Variants in COL4A1 observed in about 807,000 individuals in gnomAD.
The protein encoded by COL4A1 is collagen alpha-1(IV) chain.
A neutral mutation model predicts 216.6 loss-of-function variants in COL4A1; 40 were observed. The ratio of observed to expected loss-of-function variants is 0.18; its 90% CI spans 0.14 to 0.24. The LOEUF (loss-of-function observed/expected upper bound fraction) is 0.24. Ranked by LOEUF, COL4A1 falls within the 10% of genes least tolerant of loss-of-function variation. COL4A1 has a pLI of 1.00. For missense variants in COL4A1, 1,628 were observed against 2,196.8 expected, an observed-to-expected ratio of 0.74 and a Z score of 5.18; for synonymous variants, 839 against 810.7, an observed-to-expected ratio of 1.03 and a Z score of -0.59.
At chr13:110,163,877 C>G (rs1224094535) in intron 46 of COL4A1, among the ~76,000 whole-genome samples, 4 of 151,988 alleles carry the variant, frequency 2.6e-5, no homozygotes, top group African/African-American at 9.7e-5. Flanking sequence ...AACTTTCCCT[C>G]TCAGCCATAT....
chr13:110,212,336 C>G (rs1879843694), intron 6 of COL4A1, 81 bp downstream of exon 6: 3 of 1,532,740 alleles, frequency 2.0e-6, no homozygotes, highest in Non-Finnish European at 2.7e-6. Flanking sequence ...ACTCTATTAA[C>G]AGAATCACAC....
At chr13:110,234,169 C>A (rs74126126) in intron 2 of COL4A1, among the ~76,000 whole-genome samples, 2,771 of 152,244 alleles carry the variant, frequency 0.018, 88 homozygotes, top group African/African-American at 0.064. Flanking sequence ...CAGGTCAGGG[C>A]ATAACTTGGT....
chr13:110,224,384 A>G (rs556340624), intron 2 of COL4A1, among the ~76,000 whole-genome samples: 7 of 152,344 alleles, frequency 4.6e-5, no homozygotes, highest in Non-Finnish European at 8.8e-5. Context: ...GTACAGTGGC[A>G]TGATCTTGGC....
chr13:110,221,808 C>T (rs1364028292), intron 2 of COL4A1, among the ~76,000 whole-genome samples: 4 of 152,058 alleles, frequency 2.6e-5, no homozygotes, highest in African/African-American at 4.8e-5. Context: ...AGTCAGTCCC[C>T]CAGAGCAGTC....
Position 110,201,454 on chromosome 13 carries a change from T to G in COL4A1, c.1068A>C (p.Gly356=), listed in dbSNP as rs748060452. Residue 356 remains glycine, a synonymous_variant, in exon 19 of 52, where the codon GGA becomes GGC. Transcript: ENST00000375820. The part of the protein sequence containing the change: ...RGYPGTPGPR[G]EPGPKGFPGL... The stretch of plus-strand genomic sequence containing the variant: ...GAAAGCTACCTTTTGGGCCTGGCTC[T>G]CCTCTTGGCCCCGGAGTTCCAGGGT... The G allele has an allele frequency of 5.0e-6, 8 of 1,613,866 alleles. No homozygotes were observed. The highest frequency in any genetic ancestry group is 1.7e-5 in the Admixed American group (1 of 60,016).
chr13:110,278,835 G>C (rs1482039541), intron 1 of COL4A1, among the ~76,000 whole-genome samples: 1 of 152,198 alleles, frequency 6.6e-6, no homozygotes, highest in Non-Finnish European at 1.5e-5. Flanking sequence ...GGGTGGGATT[G>C]CTGGGTACAT....
At chr13:110,236,545 G>A (rs549212945) in intron 2 of COL4A1, among the ~76,000 whole-genome samples, 5 of 152,204 alleles carry the variant, frequency 3.3e-5, no homozygotes, top group Non-Finnish European at 7.3e-5. Flanking sequence ...CAGATGTGGA[G>A]GAGGCAGAGG....
rs539047181 is a variant in COL4A1, at chr13:110,290,058, C to T, written c.84+16886G>A. Among the ~76,000 whole-genome samples, 10 of 152,338 alleles carry T rather than the reference C, an allele frequency of 6.6e-5. No homozygotes were observed. In the South Asian group the frequency reaches 8.3e-4, roughly 13 times the overall value. ...GGGGGGCACAGCACCCTCGCAGGGG[C>T]GTCACTCCTTCCAAAGGTGACTCGG... On this transcript the variant is annotated intron_variant, in intron 1 of 51. Coordinates refer to ENST00000375820, the MANE Select transcript of COL4A1 (RefSeq NM_001845.6).
intron 49 of COL4A1, 29 bp downstream of exon 49, chr13:110,161,163 G>T (rs1170686532): frequency 1.2e-6 from 2 of 1,609,306 alleles, no homozygotes; most frequent in Non-Finnish European, 8.5e-7. Context: ...CTTCAATTTT[G>T]CATTTGTTCC....
intron 1 of COL4A1, among the ~76,000 whole-genome samples, chr13:110,303,410 A>G (rs1884570441): frequency 6.6e-6 from 1 of 151,748 alleles, no homozygotes; most frequent in Non-Finnish European, 1.5e-5. Flanking sequence ...AATTCTTTCC[A>G]CCCCTCTGAG....
intron 24 of COL4A1, chr13:110,190,756 A>T (rs953704030): frequency 2.0e-5 from 3 of 152,234 alleles, no homozygotes; most frequent in Non-Finnish European, 4.4e-5. Context: ...TTATTTACCC[A>T]TAAATTTATT....
intron 2 of COL4A1, among the ~76,000 whole-genome samples, chr13:110,241,739 T>C (rs944613859): frequency 6.6e-6 from 1 of 152,134 alleles, no homozygotes; most frequent in South Asian, 2.1e-4. Flanking sequence ...CAGCAAATAG[T>C]CAAAAAGAAA....
intron 2 of COL4A1, among the ~76,000 whole-genome samples, chr13:110,216,809 T>C (rs551376886): frequency 1.0e-3 from 159 of 152,268 alleles, no homozygotes; most frequent in African/African-American, 3.7e-3. Context: ...GACCCTTCTA[T>C]GTCCATTTCA....
At chr13:110,235,527 T>A (rs1433700154) in intron 2 of COL4A1, among the ~76,000 whole-genome samples, 2 of 151,844 alleles carry the variant, frequency 1.3e-5, no homozygotes, top group Non-Finnish European at 2.9e-5. Flanking sequence ...GGCGGGTGCC[T>A]GTAGTCCCAG....
At chr13:110,306,905 G>T in intron 1 of COL4A1, 39 bp downstream of exon 1, 1 of 1,434,966 alleles carries the variant, frequency 7.0e-7, no homozygotes, top group Non-Finnish European at 9.1e-7. Flanking sequence ...GCCCAAGCTC[G>T]GGGCGGGACG....
rs1876433030 is a variant in COL4A1 at position 110,150,204 on chromosome 13, A to G, written c.*159T>C. The G allele has an allele frequency of 2.8e-6, 2 of 724,724 alleles. No homozygotes were observed. The highest frequency in any genetic ancestry group is 3.0e-5 in the South Asian group (2 of 66,474). The allele number at this position is 724,724 out of a possible 1,614,324, so 44.9% of individuals were successfully genotyped here. ...TTTCTCCTTCAGCAAGTAGAGGTCA[A>G]TGAAGCAGGGTGTGTTAGTTACGCA... On this transcript the variant is annotated 3_prime_UTR_variant, in exon 52 of 52. Transcript: ENST00000375820.
chr13:110,204,068 G>A (rs958895777), intron 17 of COL4A1, among the ~76,000 whole-genome samples: 1 of 152,146 alleles, frequency 6.6e-6, no homozygotes, highest in Non-Finnish European at 1.5e-5. Flanking sequence ...TGCATTGGAG[G>A]TCATAATGTA....
At position 110,160,208 on chromosome 13, in the gene COL4A1, C is replaced by T. The variant is rs974772113; in HGVS notation, c.4640+984G>A. Among the ~76,000 whole-genome samples the T allele has an allele frequency of 1.8e-4, 27 of 147,016 alleles. 3 individuals are homozygous for T. The East Asian group carries it at 5.0e-3, about 27-fold the overall frequency. Reference sequence around the variant, plus strand: ...CTGTAATCCCAGCACTTTGGGAGGCCGAGGCGGGTGGATCATGAGGTCAGG... The same window carrying T: ...CTGTAATCCCAGCACTTTGGGAGGCTGAGGCGGGTGGATCATGAGGTCAGG... On this transcript the variant is annotated intron_variant, in intron 49 of 51. Coordinates refer to ENST00000375820, the MANE Select transcript of COL4A1 (RefSeq NM_001845.6).
intron 1 of COL4A1, among the ~76,000 whole-genome samples, chr13:110,289,885 G>C (rs933847912): frequency 4.6e-5 from 7 of 152,186 alleles, no homozygotes; most frequent in Non-Finnish European, 1.0e-4. Context: ...CCAGTGGACA[G>C]ATCCCAGAGA....
Sources: allele counts gnomAD v4.1 joint callset (sites outside exome capture counted in the v4.1 genomes callset), GRCh38; gene constraint gnomAD v4.1.1; transcripts MANE v1.5; gene names NCBI Gene and HGNC (gene_info 2026-07-23, HGNC 2026-07-21).